PBX4: variants seen among roughly 807,000 people sequenced by gnomAD.
PBX4 encodes PBX homeobox 4.
In PBX4, 26 loss-of-function variants were observed where a neutral mutation model predicts 35.1. That is an observed-to-expected ratio of 0.74 (90% CI 0.54 to 1.03). PBX4 has a LOEUF of 1.03. PBX4 is among the 50% of genes least tolerant of loss of function. The probability of loss-of-function intolerance (pLI) is 0.00; values close to 1 mark genes in which losing one functional copy is unlikely to be tolerated. For synonymous variants in PBX4, 199 were observed against 204.2 expected, an observed-to-expected ratio of 0.97 and a Z score of 0.22; for missense variants, 448 against 504.3, an observed-to-expected ratio of 0.89 and a Z score of 1.07.
chr19:19,583,846 G>C (rs1374883766), intron 2 of PBX4, among the ~76,000 whole-genome samples: 1 of 152,114 alleles, frequency 6.6e-6, no homozygotes, highest in Non-Finnish European at 1.5e-5. Context: ...GAGGCGGGAA[G>C]ATCACCTCAG....
chr19:19,607,736 A>G (rs1317040672), intron 1 of PBX4, among the ~76,000 whole-genome samples: 1 of 152,222 alleles, frequency 6.6e-6, no homozygotes, highest in Non-Finnish European at 1.5e-5. Context: ...TTAGCTGATA[A>G]TTTTAGCTAT....
intron 1 of PBX4, among the ~76,000 whole-genome samples, chr19:19,615,335 C>T (rs1312434519): frequency 2.0e-5 from 3 of 149,988 alleles, no homozygotes; most frequent in Admixed American, 6.7e-5. Flanking sequence ...TGACAGAGCG[C>T]GGCCTTATAT....
intron 2 of PBX4, among the ~76,000 whole-genome samples, chr19:19,586,583 G>T (rs143425288): frequency 0.015 from 2,268 of 151,964 alleles, 80 homozygotes; most frequent in South Asian, 0.076. Context: ...TTCCAGATGT[G>T]CCAGGCAGCA....
intron 1 of PBX4, among the ~76,000 whole-genome samples, chr19:19,609,712 G>A (rs1254555132): frequency 6.6e-6 from 1 of 151,958 alleles, no homozygotes. Context: ...TTAGCCGGGC[G>A]TGGTGGCGGG....
intron 2 of PBX4, among the ~76,000 whole-genome samples, chr19:19,573,712 C>T (rs902252647): frequency 2.0e-5 from 3 of 151,568 alleles, no homozygotes; most frequent in African/African-American, 7.3e-5. Flanking sequence ...ATAAAGCCGC[C>T]AGCAACTCTA....
chr19:19,569,570 T>C lies in PBX4; in HGVS notation c.647A>G (p.Asn216Ser), dbSNP rs1413636360. The change falls in exon 5 of 8, where the codon AAT (asparagine) becomes AGT (serine). Residue 216 changes from asparagine to serine, a missense_variant. Coordinates refer to ENST00000251203, the MANE Select transcript of PBX4 (RefSeq NM_025245.3). The stretch of plus-strand genomic sequence containing the variant: ...CACTTCCGTCGCCTGCTTGCTGAAA[T>C]TCCGCCGCTTGCGCCTGCAAAAACA... The part of the protein sequence containing the change: ...RLLDARRKRR[N>S]FSKQATEVLN... 6.2e-7 allele frequency: 1 copy of C among 1,613,542 alleles called. No individual in the cohort carries two copies. The highest frequency in any genetic ancestry group is 1.1e-5 in the South Asian group (1 of 90,968).
intron 2 of PBX4, among the ~76,000 whole-genome samples, chr19:19,576,903 C>G (rs2061422934): frequency 6.6e-6 from 1 of 152,048 alleles, no homozygotes. Context: ...TGTGAGCCAC[C>G]ACACCTGGCC....
chr19:19,563,964 C>T lies in PBX4; in HGVS notation c.926-349G>A, dbSNP rs1052255082. ...CTGGGACTACAGGCGCCCACCACCACGCCCAGATAATTTGTTTTTTCTTTC... is the reference window on the plus strand; with the variant it reads ...CTGGGACTACAGGCGCCCACCACCATGCCCAGATAATTTGTTTTTTCTTTC... On this transcript the variant is annotated intron_variant, in intron 6 of 7. Transcript: ENST00000251203. This position sits in a 1 kb window ranked among gnomAD's most constrained non-coding sequence, Gnocchi z 5.1. 8 of 193,844 alleles carry T rather than the reference C, an allele frequency of 4.1e-5. No homozygotes were observed. The highest frequency in any genetic ancestry group is 7.1e-5 in the African/African-American group (3 of 42,150). 12.0% of individuals were successfully genotyped at this position (193,844 alleles called of 1,614,324 possible). A position where few individuals can be genotyped will look rare whatever the true frequency, so the allele number is the denominator to read the frequency against.
intron 1 of PBX4, among the ~76,000 whole-genome samples, chr19:19,613,168 A>G (rs1026490538): frequency 4.6e-5 from 7 of 151,350 alleles, no homozygotes; most frequent in African/African-American, 1.7e-4. Context: ...TGAAAATGGT[A>G]AAGAAGTAAC....
intron 2 of PBX4, among the ~76,000 whole-genome samples, chr19:19,583,192 T>A (rs1486541029): frequency 6.6e-6 from 1 of 152,146 alleles, no homozygotes; most frequent in African/African-American, 2.4e-5. Flanking sequence ...GACATGAGAA[T>A]AGCTTGAACC....
chr19:19,602,305 G>T (rs2061602856), intron 1 of PBX4, among the ~76,000 whole-genome samples: 1 of 152,184 alleles, frequency 6.6e-6, no homozygotes, highest in Non-Finnish European at 1.5e-5. Context: ...GGTCATAGGT[G>T]ACTCAGCGGA....
At chr19:19,581,358 C>A (rs2061452860) in intron 2 of PBX4, among the ~76,000 whole-genome samples, 1 of 152,188 alleles carries the variant, frequency 6.6e-6, no homozygotes, top group African/African-American at 2.4e-5. Context: ...CTGCTGGAAG[C>A]TCTGATGAGC....
At chr19:19,605,840 A>ATT (rs71338333) in intron 1 of PBX4, among the ~76,000 whole-genome samples, 272 of 123,052 alleles carry the variant, frequency 2.2e-3, no homozygotes, top group African/African-American at 6.9e-3. Context: ...AGGCTCTAGG[A>ATT]TTTTTTTTTT....
intron 1 of PBX4, among the ~76,000 whole-genome samples, chr19:19,611,087 A>G (rs2061660677): frequency 6.6e-6 from 1 of 152,176 alleles, no homozygotes; most frequent in Non-Finnish European, 1.5e-5. Context: ...GACATGCTTT[A>G]TAACTATGTA....
chr19:19,596,702 G>A (rs1049190078), intron 2 of PBX4, among the ~76,000 whole-genome samples: 1 of 151,954 alleles, frequency 6.6e-6, no homozygotes, highest in African/African-American at 2.4e-5. Flanking sequence ...CAGCATTTTG[G>A]GAGGCCAGGA....
chr19:19,585,425 T>C (rs551868896), intron 2 of PBX4, among the ~76,000 whole-genome samples: 2 of 152,224 alleles, frequency 1.3e-5, no homozygotes, highest in South Asian at 4.1e-4. Context: ...AAAACACTCA[T>C]CAGTTTCTGA....
chr19:19,615,187 A>G (rs1024391598), intron 1 of PBX4, among the ~76,000 whole-genome samples: 3 of 150,670 alleles, frequency 2.0e-5, no homozygotes, highest in South Asian at 4.2e-4. Flanking sequence ...AAAAAAAAAA[A>G]AAAAGAAAGA....
At chr19:19,575,532 A>G (rs1412904621) in intron 2 of PBX4, among the ~76,000 whole-genome samples, 3 of 151,998 alleles carry the variant, frequency 2.0e-5, no homozygotes, top group Non-Finnish European at 4.4e-5. Flanking sequence ...CTGTTTTCAA[A>G]TCCTATTGAT....
intron 1 of PBX4, among the ~76,000 whole-genome samples, chr19:19,613,143 A>T (rs905486431): frequency 6.6e-6 from 1 of 151,746 alleles, no homozygotes; most frequent in African/African-American, 2.4e-5. Flanking sequence ...GCCTTAAAAC[A>T]AAAAGAGCTA....
Sources: gnomAD v4.1 joint callset for allele counts (sites outside exome capture counted in the v4.1 genomes callset) on GRCh38, gnomAD v4.1.1 for gene constraint, Gnocchi (gnomAD v3.1) non-coding constraint, MANE v1.5 for transcripts, NCBI Gene and HGNC (gene_info 2026-07-23, HGNC 2026-07-21) for gene names.